The following DGKB variants were observed in gnomAD, a reference collection of about 807,000 sequenced individuals.
DGKB encodes diacylglycerol kinase beta.
A neutral mutation model predicts 114.3 loss-of-function variants in DGKB; 67 were observed. The ratio of observed to expected loss-of-function variants is 0.59; its 90% CI spans 0.48 to 0.72. The LOEUF (loss-of-function observed/expected upper bound fraction) is 0.72. Ranked by LOEUF, DGKB falls within the 30% of genes least tolerant of loss-of-function variation. The probability of loss-of-function intolerance (pLI) is 0.00; values close to 1 mark genes in which losing one functional copy is unlikely to be tolerated. For synonymous variants in DGKB, 398 were observed against 323.1 expected (o/e 1.23, Z -2.49); for missense variants, 907 against 975.2 (o/e 0.93, Z 0.93).
intron 1 of DGKB, among the ~76,000 whole-genome samples, chr7:14,857,575 T>A (rs1286387064): frequency 6.6e-6 from 1 of 152,152 alleles, no homozygotes; most frequent in Non-Finnish European, 1.5e-5. Flanking sequence ...TGAGATGGCA[T>A]CTTATTTTTG....
At chr7:14,838,383 T>C (rs963141289) in intron 2 of DGKB, among the ~76,000 whole-genome samples, 2 of 152,146 alleles carry the variant, frequency 1.3e-5, no homozygotes, top group Non-Finnish European at 2.9e-5. Context: ...GGAACTTTTC[T>C]TATAAGTACT....
chr7:14,238,686 T>C (rs141480857), intron 23 of DGKB, among the ~76,000 whole-genome samples: 9 of 151,990 alleles, frequency 5.9e-5, no homozygotes, highest in African/African-American at 2.2e-4. Flanking sequence ...GGACGTGAAG[T>C]TGAATCTAGG....
chr7:14,894,027 A>G (rs1003380910), intron 1 of DGKB, among the ~76,000 whole-genome samples: 1 of 151,270 alleles, frequency 6.6e-6, no homozygotes, highest in African/African-American at 2.4e-5. Context: ...TTAAATGCCA[A>G]TAGACCAGTA....
chr7:14,958,649 C>G (rs1786661334), intron 1 of DGKB, among the ~76,000 whole-genome samples: 1 of 151,524 alleles, frequency 6.6e-6, no homozygotes, highest in Non-Finnish European at 1.5e-5. Flanking sequence ...GCCTTTTCAA[C>G]TCTAGCCTGT....
chr7:14,574,227 G>C lies in DGKB; in HGVS notation c.1755C>G (p.Tyr585Ter), dbSNP rs769268139. Reference sequence around the variant, plus strand: ...AGAATCTTACCACGCCAATGGAAAAGTAATTATTGATGATACTGTAAGGCA... The same window carrying C: ...AGAATCTTACCACGCCAATGGAAAACTAATTATTGATGATACTGTAAGGCA... ...DPVPYSIINN[Y>*]FSIGVDASIA... Residue 585 changes from tyrosine (Y) to a stop codon, truncating the protein, a stop_gained, in exon 20 of 26, where the codon TAC (tyrosine) becomes TAG (stop). Coordinates refer to ENST00000402815, the MANE Select transcript of DGKB (RefSeq NM_001350709.2). LOFTEE classifies it high-confidence loss of function. The C allele has an allele frequency of 1.2e-6, 2 of 1,612,678 alleles. No homozygotes were observed. The highest frequency in any genetic ancestry group is 1.1e-5 in the South Asian group (1 of 90,826).
chr7:14,747,775 G>GCGCGCGCACACACA, intron 4 of DGKB, among the ~76,000 whole-genome samples: 3,668 of 149,258 alleles, frequency 0.025, 159 homozygotes, highest in African/African-American at 0.087. Flanking sequence ...ACATCCACGC[G>GCGCGCGCACACACA]CACGCACACA....
intron 13 of DGKB, among the ~76,000 whole-genome samples, chr7:14,649,169 G>A (rs1340785950): frequency 7.9e-6 from 1 of 126,784 alleles, no homozygotes; most frequent in Non-Finnish European, 1.6e-5. Flanking sequence ...TCCTCGAGAA[G>A]GGCAACTGTA....
chr7:14,728,338 C>T (rs1394112416), intron 5 of DGKB, among the ~76,000 whole-genome samples: 2 of 152,152 alleles, frequency 1.3e-5, no homozygotes, highest in East Asian at 1.9e-4. Context: ...AATGGCTTTC[C>T]GATTTCTTCT....
intron 13 of DGKB, among the ~76,000 whole-genome samples, chr7:14,639,847 C>G (rs1811414572): frequency 6.6e-6 from 1 of 152,124 alleles, no homozygotes; most frequent in South Asian, 2.1e-4. Flanking sequence ...CCTTAGGAAC[C>G]CACCTAAAAG....
Position 14,392,995 on chromosome 7 carries a change from G to GTTTTTGTTTTTGTTTTTGTTTT in DGKB, c.1836-47605_1836-47604insAAAACAAAAACAAAAACAAAAA. 5.9e-4 allele frequency among the ~76,000 whole-genome samples: 36 copies of GTTTTTGTTTTTGTTTTTGTTTT among 60,546 alleles called. 1 individual carries two copies. The highest frequency in any genetic ancestry group is 1.0e-3 in the Non-Finnish European group (30 of 29,030). 39.7% of individuals were successfully genotyped at this position (60,546 alleles called of 152,430 possible). A position where few individuals can be genotyped will look rare whatever the true frequency, so the allele number is the denominator to read the frequency against. On this transcript the variant is annotated intron_variant, in intron 21 of 25. Coordinates refer to ENST00000402815, the MANE Select transcript of DGKB (RefSeq NM_001350709.2). The stretch of plus-strand genomic sequence containing the variant: ...CAAAACAGACCTGTTTTTTGTTTTT[G>GTTTTTGTTTTTGTTTTTGTTTT]TTTTTTTTTTTTTGAGACGGAGTCT...
At chr7:14,467,136 TTA>T (rs1252327536) in intron 21 of DGKB, among the ~76,000 whole-genome samples, 5 of 150,758 alleles carry the variant, frequency 3.3e-5, no homozygotes, top group African/African-American at 9.7e-5. Flanking sequence ...TATATAACTA[TTA>T]TATGTTTATA....
intron 3 of DGKB, among the ~76,000 whole-genome samples, chr7:14,756,010 C>T (rs1834816120): frequency 6.6e-6 from 1 of 151,788 alleles, no homozygotes; most frequent in Non-Finnish European, 1.5e-5. Context: ...ATAACTACCT[C>T]AAAAAATGCA....
At chr7:14,301,925 T>C (rs1157987034) in intron 23 of DGKB, among the ~76,000 whole-genome samples, 3 of 152,056 alleles carry the variant, frequency 2.0e-5, no homozygotes, top group Non-Finnish European at 4.4e-5. Flanking sequence ...TCCCTGGTCT[T>C]GGGTTGGGAC....
At chr7:14,210,100 C>T (rs1470048924) in intron 23 of DGKB, among the ~76,000 whole-genome samples, 1 of 152,046 alleles carries the variant, frequency 6.6e-6, no homozygotes, top group Admixed American at 6.6e-5. Context: ...ATGGCTAACA[C>T]CTCCAGTGCC....
chr7:14,300,188 T>A (rs1045473099), intron 23 of DGKB, among the ~76,000 whole-genome samples: 7 of 152,120 alleles, frequency 4.6e-5, no homozygotes, highest in African/African-American at 1.7e-4. Flanking sequence ...TCTTTAAAAA[T>A]TGACTCGAGG....
rs987411625 is a variant in DGKB, at chr7:14,770,637, T to C, written c.71-12906A>G. ...TTCCTTTGATATCTCTAGGGAATTCTAGAACATCCCAGGACATCATTCTAG... is the reference window on the plus strand; with the variant it reads ...TTCCTTTGATATCTCTAGGGAATTCCAGAACATCCCAGGACATCATTCTAG... On this transcript the variant is annotated intron_variant, in intron 2 of 25. Coordinates refer to ENST00000402815, the MANE Select transcript of DGKB (RefSeq NM_001350709.2). Among the ~76,000 whole-genome samples the C allele has an allele frequency of 3.3e-5, 5 of 152,256 alleles. No individual in the cohort carries two copies. In the South Asian group the frequency reaches 1.0e-3, roughly 32 times the overall value.
At chr7:14,218,779 T>C (rs1188953746) in intron 23 of DGKB, among the ~76,000 whole-genome samples, 1 of 151,972 alleles carries the variant, frequency 6.6e-6, no homozygotes, top group Admixed American at 6.6e-5. Flanking sequence ...CATTCACCCA[T>C]TTAAAGTGTG....
chr7:14,370,214 C>T (rs1817403000), intron 21 of DGKB, among the ~76,000 whole-genome samples: 1 of 152,186 alleles, frequency 6.6e-6, no homozygotes, highest in South Asian at 2.1e-4. Context: ...ATCCTTTCCC[C>T]ATTCCTTGTT....
chr7:14,155,700 T>C (rs1045039212), intron 25 of DGKB, among the ~76,000 whole-genome samples: 2 of 152,062 alleles, frequency 1.3e-5, no homozygotes, highest in African/African-American at 4.8e-5. Context: ...GGTGAGTGGA[T>C]GTGTGGGGCA....
Sources: allele counts gnomAD v4.1 joint callset (sites outside exome capture counted in the v4.1 genomes callset), GRCh38; gene constraint gnomAD v4.1.1; transcripts MANE v1.5; gene names NCBI Gene and HGNC (gene_info 2026-07-23, HGNC 2026-07-21).